The following SH3GLB2 variants were observed in gnomAD, a reference collection of about 807,000 sequenced individuals.
SH3GLB2 encodes the protein endophilin-B2.
SH3GLB2 carries 24 observed loss-of-function variants against 48.0 expected under a neutral mutation model. That is an observed-to-expected ratio of 0.50 (90% CI 0.36 to 0.70). The LOEUF (loss-of-function observed/expected upper bound fraction) is 0.70. Among genes scored for constraint, SH3GLB2 ranks in the 30% least tolerant of loss-of-function variants. The pLI is 0.00. For missense variants in SH3GLB2, 425 were observed against 516.0 expected (o/e 0.82, Z 1.71); for synonymous variants, 227 against 207.6 (o/e 1.09, Z -0.80).
chr9:129,023,684 G>T (rs891755878), intron 1 of SH3GLB2, among the ~76,000 whole-genome samples: 1 of 152,178 alleles, frequency 6.6e-6, no homozygotes, highest in African/African-American at 2.4e-5. Context: ...TGCGGTGGGG[G>T]GTGGCGGGCT....
intron 5 of SH3GLB2, chr9:129,013,907 G>A (rs1459650096): frequency 7.0e-5 from 27 of 386,628 alleles, no homozygotes; most frequent in Admixed American, 5.6e-4. Context: ...TGAAGGGGGC[G>A]CCAGATGGCC....
chr9:129,010,746 T>C, intron 6 of SH3GLB2, 53 bp from the exon 7 acceptor site: 1 of 1,610,432 alleles, frequency 6.2e-7, no homozygotes, highest in Non-Finnish European at 8.5e-7. Flanking sequence ...GGAGGACAGC[T>C]GGACCCTAGA....
Position 129,009,830 on chromosome 9 carries a change from C to T in SH3GLB2, c.780G>A (p.Gln260=), listed in dbSNP as rs370101517. ...GGTAGCACTGTGCGTAGTAGGTTGTCTGAGACTTGACGAACTCGTGGAGGC... is the reference window on the plus strand; with the variant it reads ...GGTAGCACTGTGCGTAGTAGGTTGTTTGAGACTTGACGAACTCGTGGAGGC... The part of the protein sequence containing the change: ...LRCLHEFVKS[Q]TTYYAQCYRH... The change falls in exon 9 of 11, where the codon CAG becomes CAA. Residue 260 remains glutamine (Q), a synonymous_variant. Transcript: ENST00000372564. 1.9e-6 allele frequency: 3 copies of T among 1,613,908 alleles called. No individual in the cohort carries two copies. The highest frequency in any genetic ancestry group is 2.5e-6 in the Non-Finnish European group (3 of 1,179,974).
At chr9:129,016,936 C>G (rs1288623043) in intron 3 of SH3GLB2, among the ~76,000 whole-genome samples, 1 of 147,436 alleles carries the variant, frequency 6.8e-6, no homozygotes, top group African/African-American at 2.5e-5. Flanking sequence ...TAGTTGGAAA[C>G]TTGAATACTC....
In SH3GLB2 at chr9:129,009,796, G is replaced by C. The variant is rs750408534; in HGVS notation, c.814C>G (p.Leu272Val). The C allele has an allele frequency of 1.2e-6, 2 of 1,613,622 alleles. No individual in the cohort carries two copies. The highest frequency in any genetic ancestry group is 1.7e-6 in the Non-Finnish European group (2 of 1,179,856). The change falls in exon 9 of 11, where the codon CTG becomes GTG. Residue 272 changes from leucine to valine, a missense_variant. Coordinates refer to ENST00000372564, the MANE Select transcript of SH3GLB2 (RefSeq NM_020145.4). Reference sequence around the variant, plus strand: ...CTGCCCAGCTGCTTCTGCAAGTCCAGCATGTGGCGGTAGCACTGTGCGTAG... The same window carrying C: ...CTGCCCAGCTGCTTCTGCAAGTCCACCATGTGGCGGTAGCACTGTGCGTAG... ...TYYAQCYRHM[L>V]DLQKQLGRFP...
At chr9:129,021,895 G>T (rs1843825184) in intron 2 of SH3GLB2, among the ~76,000 whole-genome samples, 1 of 150,014 alleles carries the variant, frequency 6.7e-6, no homozygotes, top group African/African-American at 2.5e-5. Flanking sequence ...GGAGGCAAGG[G>T]TTGCAGTGAG....
chr9:129,027,696 G>T (rs1404987342), intron 1 of SH3GLB2, among the ~76,000 whole-genome samples: 1 of 152,256 alleles, frequency 6.6e-6, no homozygotes, highest in Non-Finnish European at 1.5e-5. Flanking sequence ...AGAAGGGGTT[G>T]TGGTGGACGC....
chr9:129,020,243 C>T (rs1252409125), intron 3 of SH3GLB2, among the ~76,000 whole-genome samples: 2 of 146,546 alleles, frequency 1.4e-5, no homozygotes, highest in Non-Finnish European at 3.0e-5. Context: ...GTCAGGTTCC[C>T]AGATAGCACA....
intron 3 of SH3GLB2, among the ~76,000 whole-genome samples, chr9:129,017,483 G>T (rs1427943159): frequency 1.3e-5 from 2 of 152,172 alleles, no homozygotes; most frequent in African/African-American, 2.4e-5. Context: ...AAAATATGAG[G>T]CTGGGTGTGC....
chr9:129,015,054 C>T, intron 3 of SH3GLB2, 150 bp from the exon 4 acceptor site: 3 of 923,024 alleles, frequency 3.3e-6, no homozygotes, highest in Admixed American at 2.7e-5. Flanking sequence ...AAGCAACCTA[C>T]ACTACACCAT....
chr9:129,028,163 C>G lies in SH3GLB2; in HGVS notation c.-9G>C. ...TTCATGTTGAAGTCCATGGCGTGCCCGCACGGCCGCCGCGCACGGCCCGAG... is the reference window on the plus strand; with the variant it reads ...TTCATGTTGAAGTCCATGGCGTGCCGGCACGGCCGCCGCGCACGGCCCGAG... On this transcript the variant is annotated 5_prime_UTR_variant, in exon 1 of 11. Transcript: ENST00000372564. The G allele has an allele frequency of 7.0e-7, 1 of 1,431,296 alleles. No homozygotes were observed. The allele number at this position is 1,431,296 out of a possible 1,614,324, so 88.7% of individuals were successfully genotyped here. A position where few individuals can be genotyped will look rare whatever the true frequency, so the allele number is the denominator to read the frequency against.
chr9:129,010,674 T>C lies in SH3GLB2; in HGVS notation c.644A>G (p.Asp215Gly). 6.2e-7 allele frequency: 1 copy of C among 1,613,862 alleles called. No homozygotes were observed. Among genetic ancestry groups the C allele is most frequent in the Non-Finnish European group, 8.5e-7 (1 of 1,179,928 alleles). Residue 215 changes from aspartate to glycine, a missense_variant, in exon 7 of 11, where the codon GAC becomes GGC. Asp to Gly is a moderately conservative substitution (Grantham distance 94). Transcript: ENST00000372564. ...GCCCCCCAGGCCCCAACTTACCTTG[T>C]CCACTTCATCATTCCAGAGCTGTGG... ...SASALWNDEV[D>G]KAEQELRVAQ...
chr9:129,018,784 C>T (rs551004491), intron 3 of SH3GLB2, among the ~76,000 whole-genome samples: 10 of 146,138 alleles, frequency 6.8e-5, no homozygotes, highest in African/African-American at 2.3e-4. Context: ...TCCAGCTACT[C>T]GGGAGGCTGA....
chr9:129,009,442 CG>C (rs1842972738), intron 9 of SH3GLB2, 96 bp from the exon 10 acceptor site: 13 of 1,549,996 alleles, frequency 8.4e-6, no homozygotes, highest in Non-Finnish European at 1.0e-5. Flanking sequence ...ACTCCAGCCC[CG>C]GCTACTCACA....
chr9:129,009,740 C>G, intron 9 of SH3GLB2, 31 bp downstream of exon 9: 1 of 1,589,870 alleles, frequency 6.3e-7, no homozygotes, highest in Non-Finnish European at 8.6e-7. Flanking sequence ...GCCAGGGGGC[C>G]CCAGTGGGTT....
intron 5 of SH3GLB2, 58 bp from the exon 6 acceptor site, chr9:129,012,356 G>A (rs1215792362): frequency 2.6e-5 from 29 of 1,108,766 alleles, no homozygotes; most frequent in Non-Finnish European, 3.3e-5. Flanking sequence ...GGCCAGGGTC[G>A]AGGTCAGGAG....
chr9:129,017,088 T>C (rs1843475513), intron 3 of SH3GLB2, among the ~76,000 whole-genome samples: 2 of 151,524 alleles, frequency 1.3e-5, no homozygotes, highest in Non-Finnish European at 2.9e-5. Context: ...GCTGGGACTA[T>C]AGGCGCGCAC....
At chr9:129,009,738 G>T (rs779558828) in intron 9 of SH3GLB2, 33 bp downstream of exon 9, 5 of 1,585,636 alleles carry the variant, frequency 3.2e-6, no homozygotes, top group Non-Finnish European at 4.3e-6. Context: ...GAGCCAGGGG[G>T]CCCCAGTGGG....
At position 129,007,968 on chromosome 9, in the gene SH3GLB2, G is replaced by A. The variant is rs17508167; in HGVS notation, c.*716C>T. Reference sequence around the variant, plus strand: ...GCCCCTGCTCACTCTGTGGAAGAGTGGGGCAGAGGGTGAGTCTACCTTTCC... The same window carrying A: ...GCCCCTGCTCACTCTGTGGAAGAGTAGGGCAGAGGGTGAGTCTACCTTTCC... On this transcript the variant is annotated 3_prime_UTR_variant, in exon 11 of 11. Transcript: ENST00000372564. The A allele has an allele frequency of 1.3e-5, 2 of 152,298 alleles. No homozygotes were observed. Among genetic ancestry groups the A allele is most frequent in the Admixed American group, 6.5e-5 (1 of 15,284 alleles). 9.4% of individuals were successfully genotyped at this position (152,298 alleles called of 1,614,324 possible). A position where few individuals can be genotyped will look rare whatever the true frequency, so the allele number is the denominator to read the frequency against.
Sources: allele counts gnomAD v4.1 joint callset (sites outside exome capture counted in the v4.1 genomes callset), GRCh38; gene constraint gnomAD v4.1.1; transcripts MANE v1.5; gene names NCBI Gene and HGNC (gene_info 2026-07-23, HGNC 2026-07-21).